PGR: variants seen among roughly 807,000 people sequenced by gnomAD.
PGR encodes the protein nuclear receptor subfamily 3 group C member 3.
Under a neutral mutation model 76.1 loss-of-function variants are expected in PGR, and 25 were observed. That is an observed-to-expected ratio of 0.33 (90% CI 0.24 to 0.46). PGR has a LOEUF of 0.46. Among genes scored for constraint, PGR ranks in the 20% least tolerant of loss-of-function variants. The pLI, the probability that PGR is intolerant of heterozygous loss-of-function variation, is 1.00. For synonymous variants in PGR, 579 were observed against 535.0 expected, an observed-to-expected ratio of 1.08 and a Z score of -1.14; for missense variants, 1,172 against 1,225.3, an observed-to-expected ratio of 0.96 and a Z score of 0.65.
chr11:101,056,177 G>A (rs1304662656), intron 4 of PGR, among the ~76,000 whole-genome samples: 1 of 151,566 alleles, frequency 6.6e-6, no homozygotes, highest in Admixed American at 6.6e-5. Context: ...TGACCAAAAT[G>A]AAAAACCTTC....
chr11:101,077,105 C>A (rs1380258499), intron 3 of PGR, among the ~76,000 whole-genome samples: 1 of 151,666 alleles, frequency 6.6e-6, no homozygotes, highest in Non-Finnish European at 1.5e-5. Context: ...TGTTTGTATT[C>A]CCATCCTGAA....
Position 101,128,309 on chromosome 11 carries a change from C to G in PGR, c.762G>C (p.Ala254=), listed in dbSNP as rs776790778. The change falls in exon 1 of 8, where the codon GCG becomes GCC. Residue 254 remains alanine (A), a synonymous_variant. Coordinates refer to ENST00000325455, the MANE Select transcript of PGR (RefSeq NM_000926.4). ...LGGAAAGGGA[A]AVPPGAAAGG... ...CTGCTGCCGCCCCCGGCGGGACAGC[C>G]GCGGCTCCTCCTCCAGCCGCCGCGC... The G allele has an allele frequency of 1.6e-5, 25 of 1,594,006 alleles. No homozygotes were observed. Among genetic ancestry groups the G allele is most frequent in the Non-Finnish European group, 1.7e-5 (20 of 1,176,454 alleles).
Position 101,125,695 on chromosome 11 carries a change from T to C in PGR, c.1789+312A>G, listed in dbSNP as rs11571158. On this transcript the variant is annotated intron_variant, in intron 2 of 7. Coordinates refer to ENST00000325455, the MANE Select transcript of PGR (RefSeq NM_000926.4). ...CTACATAATAGATATATAAAAGTAC[T>C]ATTAGAACAAAGCTGTTTCCTCAAA... Among the ~76,000 whole-genome samples, 1,098 of 152,296 alleles carry C rather than the reference T, an allele frequency of 7.2e-3. 16 individuals are homozygous for C. The highest frequency in any genetic ancestry group is 0.025 in the African/African-American group (1,029 of 41,572).
chr11:101,122,083 A>G (rs185073731), intron 2 of PGR, among the ~76,000 whole-genome samples: 1 of 142,688 alleles, frequency 7.0e-6, no homozygotes, highest in African/African-American at 2.6e-5. Context: ...TGAACCCGGG[A>G]GGCGGAGCTT....
At chr11:101,067,570 T>C (rs1860763256) in intron 3 of PGR, among the ~76,000 whole-genome samples, 1 of 152,090 alleles carries the variant, frequency 6.6e-6, no homozygotes, top group Admixed American at 6.6e-5. Flanking sequence ...AGCATGAGCA[T>C]GTATTACAGT....
chr11:101,116,982 T>C (rs1862533368), intron 2 of PGR, among the ~76,000 whole-genome samples: 1 of 152,172 alleles, frequency 6.6e-6, no homozygotes, highest in African/African-American at 2.4e-5. Context: ...TGCAAGGGTA[T>C]ACCACAATTT....
intron 2 of PGR, among the ~76,000 whole-genome samples, chr11:101,117,569 C>T (rs1333742185): frequency 1.3e-5 from 2 of 152,004 alleles, no homozygotes; most frequent in Admixed American, 1.3e-4. Flanking sequence ...ACTATAAATA[C>T]ATACCTCCAT....
At chr11:101,097,524 A>C (rs1861870221) in intron 2 of PGR, among the ~76,000 whole-genome samples, 1 of 152,214 alleles carries the variant, frequency 6.6e-6, no homozygotes, top group East Asian at 1.9e-4. Flanking sequence ...CAGCTTGATA[A>C]ATATTTTTTA....
chr11:101,075,696 T>C (rs1429647592), intron 3 of PGR, among the ~76,000 whole-genome samples: 1 of 149,708 alleles, frequency 6.7e-6, no homozygotes, highest in African/African-American at 2.4e-5. Flanking sequence ...AAAGAAGACA[T>C]TTATGTGGGC....
At chr11:101,122,021 G>T (rs960057598) in intron 2 of PGR, among the ~76,000 whole-genome samples, 2 of 151,926 alleles carry the variant, frequency 1.3e-5, no homozygotes, top group African/African-American at 2.4e-5. Context: ...CAGGCGTGGT[G>T]GGGGGCACCC....
intron 2 of PGR, among the ~76,000 whole-genome samples, chr11:101,122,573 CT>C (rs1444136115): frequency 6.6e-6 from 1 of 152,190 alleles, no homozygotes; most frequent in African/African-American, 2.4e-5. Context: ...CACTCCAAAC[CT>C]ACAAGTCTTG....
In PGR at chr11:101,128,417, C is replaced by A; in HGVS notation, c.654G>T (p.Ala218=). The change falls in exon 1 of 8, where the codon GCG becomes GCT. Residue 218 remains alanine, a synonymous_variant. Coordinates refer to ENST00000325455, the MANE Select transcript of PGR (RefSeq NM_000926.4). The part of the protein sequence containing the change: ...APVKPSPQAA[A]VEVEEEDGSE... ...AGCCATCCTCCTCCTCAACCTCCACCGCAGCGGCCTGCGGAGACGGCTTCA... is the reference window on the plus strand; with the variant it reads ...AGCCATCCTCCTCCTCAACCTCCACAGCAGCGGCCTGCGGAGACGGCTTCA... 6.2e-7 allele frequency: 1 copy of A among 1,610,846 alleles called. No individual in the cohort carries two copies. The highest frequency in any genetic ancestry group is 8.5e-7 in the Non-Finnish European group (1 of 1,179,848).
chr11:101,070,065 A>G (rs1490123935), intron 3 of PGR, among the ~76,000 whole-genome samples: 1 of 146,106 alleles, frequency 6.8e-6, no homozygotes, highest in Non-Finnish European at 1.5e-5. Flanking sequence ...TCCGGTCTGT[A>G]GCTCCCAACG....
intron 3 of PGR, chr11:101,062,994 A>G (rs1218491360): frequency 5.2e-6 from 2 of 385,844 alleles, no homozygotes; most frequent in Non-Finnish European, 9.5e-6. Flanking sequence ...ATCAACAATC[A>G]CTGGGTGGGT....
chr11:101,064,331 C>CAAAAAAAAAAAAAAAA (rs10556132), intron 3 of PGR, among the ~76,000 whole-genome samples: 7 of 39,448 alleles, frequency 1.8e-4, no homozygotes, highest in African/African-American at 4.1e-4. Context: ...AACTCCACCT[C>CAAAAAAAAAAAAAAAA]AAAAAAAAAA....
At chr11:101,103,250 A>G (rs1487315385) in intron 2 of PGR, among the ~76,000 whole-genome samples, 1 of 152,108 alleles carries the variant, frequency 6.6e-6, no homozygotes, top group Non-Finnish European at 1.5e-5. Flanking sequence ...AAGAAATAAT[A>G]AAGTGCGTGG....
At chr11:101,042,438 T>G (rs576540842) in intron 6 of PGR, among the ~76,000 whole-genome samples, 1 of 152,310 alleles carries the variant, frequency 6.6e-6, no homozygotes, top group East Asian at 1.9e-4. Context: ...ATACTTGGTT[T>G]GACTTAGTTT....
intron 3 of PGR, among the ~76,000 whole-genome samples, chr11:101,083,620 C>T (rs1159563984): frequency 1.3e-5 from 2 of 152,188 alleles, no homozygotes; most frequent in Non-Finnish European, 1.5e-5. Context: ...GGATGTGAGG[C>T]ATGGAGACAA....
At chr11:101,127,349 G>A in intron 1 of PGR, 85 bp downstream of exon 1, 1 of 1,058,734 alleles carries the variant, frequency 9.4e-7, no homozygotes, top group East Asian at 3.2e-5. Context: ...GTGCGCTGGG[G>A]CTGGGGCTGA....
Sources: gnomAD v4.1 joint callset for allele counts (sites outside exome capture counted in the v4.1 genomes callset) on GRCh38, gnomAD v4.1.1 for gene constraint, MANE v1.5 for transcripts, NCBI Gene and HGNC (gene_info 2026-07-23, HGNC 2026-07-21) for gene names.